The following JPH2 variants were observed in gnomAD, a reference collection of about 807,000 sequenced individuals.
The protein encoded by JPH2 is junctophilin 2.
A neutral mutation model predicts 55.9 loss-of-function variants in JPH2; 38 were observed. That is an observed-to-expected ratio of 0.68 (90% confidence interval 0.52 to 0.89). JPH2 has a LOEUF of 0.89. JPH2 is among the 40% of genes least tolerant of loss of function. The pLI is 0.00. For synonymous variants in JPH2, 480 were observed against 472.4 expected, an observed-to-expected ratio of 1.02 and a Z score of -0.21; for missense variants, 964 against 1,037.6, an observed-to-expected ratio of 0.93 and a Z score of 0.97.
intron 5 of JPH2, among the ~76,000 whole-genome samples, chr20:44,114,445 C>T (rs1466218635): frequency 6.6e-6 from 1 of 152,108 alleles, no homozygotes; most frequent in Non-Finnish European, 1.5e-5. Context: ...GAGTGAGTCC[C>T]TGCTGTATCC....
At chr20:44,163,262 T>C (rs1156736940) in intron 1 of JPH2, among the ~76,000 whole-genome samples, 1 of 152,196 alleles carries the variant, frequency 6.6e-6, no homozygotes, top group African/African-American at 2.4e-5. Flanking sequence ...AAATTCCATC[T>C]CATTGGGTGA....
rs1377898224 is a variant in JPH2 at position 44,134,674 on chromosome 20, ATT to A, written c.1170-16053_1170-16052del. Reference sequence around the variant, plus strand: ...TTATTATAAATATATATAAATATATATTTATAAATATTATAAATATATATACA... The same window carrying A: ...TTATTATAAATATATATAAATATATATATAAATATTATAAATATATATACA... On this transcript the variant is annotated intron_variant, in intron 2 of 5. Coordinates refer to ENST00000372980, the MANE Select transcript of JPH2 (RefSeq NM_020433.5). Among the ~76,000 whole-genome samples, 28 of 27,884 alleles carry A rather than the reference ATT, an allele frequency of 1.0e-3. 1 individual carries two copies. The highest frequency in any genetic ancestry group is 4.0e-3 in the African/African-American group (25 of 6,262). The allele number at this position is 27,884 out of a possible 152,430, so 18.3% of individuals were successfully genotyped here.
chr20:44,183,082 C>T (rs2072799836), intron 1 of JPH2, among the ~76,000 whole-genome samples: 1 of 152,096 alleles, frequency 6.6e-6, no homozygotes, highest in South Asian at 2.1e-4. Flanking sequence ...GACACACATG[C>T]ACACACACAT....
chr20:44,132,259 G>A (rs1221035318), intron 2 of JPH2, among the ~76,000 whole-genome samples: 1 of 151,734 alleles, frequency 6.6e-6, no homozygotes, highest in Non-Finnish European at 1.5e-5. Flanking sequence ...CAACCTGTTT[G>A]CTCTTCTATA....
rs1424939945 is a variant in JPH2, at chr20:44,183,333, C to A, written c.379+2994G>T. ...AGAGGCTCAGAAAACAGTTCAAGGT[C>A]ACCCAACTAGCAAGTTGTGGAGCCA... On this transcript the variant is annotated intron_variant, in intron 1 of 5. Transcript: ENST00000372980. 2.6e-5 allele frequency among the ~76,000 whole-genome samples: 4 copies of A among 152,358 alleles called. No homozygotes were observed. The East Asian group carries it at 7.7e-4, about 29-fold the overall frequency.
rs1342614431 is a variant in JPH2 at position 44,186,806 on chromosome 20, C to T, written c.-101G>A. On this transcript the variant is annotated 5_prime_UTR_variant, in exon 1 of 6. Transcript: ENST00000372980. ...TCCAGTGCCCTCGGGGGCAGGCCCCCAGACTCACCACTGCACCCCAGGAGG... is the reference window on the plus strand; with the variant it reads ...TCCAGTGCCCTCGGGGGCAGGCCCCTAGACTCACCACTGCACCCCAGGAGG... 8.3e-7 allele frequency: 1 copy of T among 1,209,174 alleles called. No individual in the cohort carries two copies. Among genetic ancestry groups the T allele is most frequent in the Non-Finnish European group, 1.2e-6 (1 of 834,100 alleles). The allele number at this position is 1,209,174 out of a possible 1,614,324, so 74.9% of individuals were successfully genotyped here.
chr20:44,116,399 C>G lies in JPH2; in HGVS notation c.1289-13G>C, dbSNP rs1054067201. ...TGATATTCCGGACCTGCCAGGGCAA[C>G]ACAGGGAGGCTGGGCTCGAACCCCG... On this transcript the variant is annotated splice_polypyrimidine_tract_variant and intron_variant, in intron 3 of 5. Coordinates refer to ENST00000372980, the MANE Select transcript of JPH2 (RefSeq NM_020433.5). The G allele has an allele frequency of 2.7e-5, 41 of 1,546,454 alleles. No individual in the cohort carries two copies. In the Admixed American group the frequency reaches 7.7e-4, roughly 29 times the overall value.
chr20:44,168,701 A>C (rs980356017), intron 1 of JPH2, among the ~76,000 whole-genome samples: 3 of 152,236 alleles, frequency 2.0e-5, no homozygotes, highest in African/African-American at 7.2e-5. Flanking sequence ...GAATATGAGA[A>C]CTTCCCTTAC....
At position 44,159,535 on chromosome 20, in the gene JPH2, G is replaced by A; in HGVS notation, c.1169+83C>T. ...TAAAAGAAGCAGAATCAGGCTTGGAGACAGGGCCTCCTAGGTTGCCCTGCC... is the reference window on the plus strand; with the variant it reads ...TAAAAGAAGCAGAATCAGGCTTGGAAACAGGGCCTCCTAGGTTGCCCTGCC... On this transcript the variant is annotated intron_variant, in intron 2 of 5. Coordinates refer to ENST00000372980, the MANE Select transcript of JPH2 (RefSeq NM_020433.5). This position sits in a 1 kb window ranked among gnomAD's most constrained non-coding sequence, Gnocchi z 5.7. 1 of 1,397,124 alleles carries A rather than the reference G, an allele frequency of 7.2e-7. No homozygotes were observed. Among genetic ancestry groups the A allele is most frequent in the Non-Finnish European group, 9.8e-7 (1 of 1,019,916 alleles). 86.5% of individuals were successfully genotyped at this position (1,397,124 alleles called of 1,614,324 possible). A position where few individuals can be genotyped will look rare whatever the true frequency, so the allele number is the denominator to read the frequency against.
rs1178706416 is a variant in JPH2 at position 44,109,738 on chromosome 20, A to T, written c.*3780T>A. ...CACTTATTTGGGGGAGAGCATCTTC[A>T]TATCAGTTTTTCAGGCATGGCACCT... On this transcript the variant is annotated 3_prime_UTR_variant, in exon 6 of 6. Coordinates refer to ENST00000372980, the MANE Select transcript of JPH2 (RefSeq NM_020433.5). Among the ~76,000 whole-genome samples, 2 of 152,154 alleles carry T rather than the reference A, an allele frequency of 1.3e-5. No individual in the cohort carries two copies. The highest frequency in any genetic ancestry group is 4.1e-4 in the South Asian group (2 of 4,828).
At chr20:44,130,257 G>A (rs1480887602) in intron 2 of JPH2, among the ~76,000 whole-genome samples, 2 of 152,224 alleles carry the variant, frequency 1.3e-5, no homozygotes. Context: ...TGCATCTGCT[G>A]CACCGCTTCA....
In JPH2 at chr20:44,171,960, A is replaced by G. The variant is rs1246163369; in HGVS notation, c.380-11553T>C. Among the ~76,000 whole-genome samples the G allele has an allele frequency of 2.6e-5, 4 of 152,366 alleles. No individual in the cohort carries two copies. The East Asian group carries it at 7.7e-4, about 29-fold the overall frequency. ...ATGCAGGGACTCACACATGGAAGACATTCAACAGATACTGTCAAATGCATT... is the reference window on the plus strand; with the variant it reads ...ATGCAGGGACTCACACATGGAAGACGTTCAACAGATACTGTCAAATGCATT... On this transcript the variant is annotated intron_variant, in intron 1 of 5. Transcript: ENST00000372980.
chr20:44,179,372 ATATCT>A lies in JPH2; in HGVS notation c.379+6950_379+6954del, dbSNP rs2072762156. On this transcript the variant is annotated intron_variant, in intron 1 of 5. Coordinates refer to ENST00000372980, the MANE Select transcript of JPH2 (RefSeq NM_020433.5). ...CACTGCCAGGGAAGGAATAAAACAC[ATATCT>A]TATAGTGGGATTGCAATTATAACAG... 3.3e-5 allele frequency among the ~76,000 whole-genome samples: 5 copies of A among 152,354 alleles called. No individual in the cohort carries two copies. In the South Asian group the frequency reaches 1.0e-3, roughly 32 times the overall value.
rs2072531876 is a variant in JPH2, at chr20:44,151,687, G to A, written c.1169+7931C>T. On this transcript the variant is annotated intron_variant, in intron 2 of 5. Coordinates refer to ENST00000372980, the MANE Select transcript of JPH2 (RefSeq NM_020433.5). ...TCTAGTGAGTAGGACACAAGCCTGC[G>A]GCCTGCCTGGCCCCTGGAACCTTTT... Among the ~76,000 whole-genome samples, 4 of 152,038 alleles carry A rather than the reference G, an allele frequency of 2.6e-5. No individual in the cohort carries two copies. The South Asian group carries it at 6.2e-4, about 24-fold the overall frequency.
chr20:44,130,192 A>G (rs1224474636), intron 2 of JPH2, among the ~76,000 whole-genome samples: 2 of 152,182 alleles, frequency 1.3e-5, no homozygotes, highest in Admixed American at 6.5e-5. Flanking sequence ...GTAAGTCCAG[A>G]GTTGGCTTGA....
intron 2 of JPH2, among the ~76,000 whole-genome samples, chr20:44,137,138 G>A (rs550723562): frequency 6.6e-6 from 1 of 152,246 alleles, no homozygotes; most frequent in African/African-American, 2.4e-5. Flanking sequence ...GCTATTTTTT[G>A]TTATCACTAC....
chr20:44,143,378 C>T (rs1477412767), intron 2 of JPH2, among the ~76,000 whole-genome samples: 2 of 152,224 alleles, frequency 1.3e-5, no homozygotes, highest in Admixed American at 6.5e-5. Flanking sequence ...TCACCCAGCA[C>T]TGTCAGGGTC....
chr20:44,182,051 C>T (rs936109890), intron 1 of JPH2, among the ~76,000 whole-genome samples: 4 of 152,162 alleles, frequency 2.6e-5, no homozygotes, highest in Admixed American at 2.6e-4. Context: ...TCATTCATCC[C>T]AGGAGAAGTC....
Position 44,115,764 on chromosome 20 carries a change from G to A in JPH2, c.1911C>T (p.Ala637=), listed in dbSNP as rs1418862846. 1.2e-6 allele frequency: 2 copies of A among 1,612,404 alleles called. No individual in the cohort carries two copies. Among genetic ancestry groups the A allele is most frequent in the African/African-American group, 2.7e-5 (2 of 74,938 alleles). Residue 637 remains alanine (A), a synonymous_variant, in exon 4 of 6, where the codon GCC becomes GCT. Coordinates refer to ENST00000372980, the MANE Select transcript of JPH2 (RefSeq NM_020433.5). The stretch of plus-strand genomic sequence containing the variant: ...TCAGCCCTCGAGCCTCAGTCTTGCG[G>A]GCCTTGGCCCTGGGCTCGGCTTTGG... ...IIPKAEPRAK[A]RKTEARGLTK...
Sources: gnomAD v4.1 joint callset for allele counts (sites outside exome capture counted in the v4.1 genomes callset) on GRCh38, gnomAD v4.1.1 for gene constraint, Gnocchi (gnomAD v3.1) non-coding constraint, MANE v1.5 for transcripts, NCBI Gene and HGNC (gene_info 2026-07-23, HGNC 2026-07-21) for gene names.